The following MGAM variants were observed in gnomAD, a reference collection of about 807,000 sequenced individuals.
MGAM encodes alpha-1,4-glucosidase.
MGAM carries 253 observed loss-of-function variants against 358.8 expected under a neutral mutation model. The ratio of observed to expected loss-of-function variants is 0.71; its 90% CI spans 0.64 to 0.78. The LOEUF (loss-of-function observed/expected upper bound fraction) is 0.78. MGAM is among the 30% of genes least tolerant of loss of function. The probability of loss-of-function intolerance (pLI) is 0.00; values close to 1 mark genes in which losing one functional copy is unlikely to be tolerated. For synonymous variants in MGAM, 1,105 were observed against 1,227.1 expected (o/e 0.90, Z 2.08); for missense variants, 3,080 against 3,432.6 (o/e 0.90, Z 2.57).
In MGAM at chr7:142,038,417, G is replaced by T; in HGVS notation, c.2232-114G>T. On this transcript the variant is annotated intron_variant, in intron 18 of 70. Transcript: ENST00000475668. ...GTAGGTGTCACAGAATAATTTGGGGGGTTTGCCTGGGCAGACGGCCTGCAT... is the reference window on the plus strand; with the variant it reads ...GTAGGTGTCACAGAATAATTTGGGGTGTTTGCCTGGGCAGACGGCCTGCAT... The T allele has an allele frequency of 1.5e-5, 11 of 738,508 alleles. No homozygotes were observed. The South Asian group carries it at 1.9e-4, about 13-fold the overall frequency. 45.7% of individuals were successfully genotyped at this position (738,508 alleles called of 1,614,324 possible). A position where few individuals can be genotyped will look rare whatever the true frequency, so the allele number is the denominator to read the frequency against.
chr7:142,080,716 A>C, intron 49 of MGAM, 75 bp from the exon 50 acceptor site: 1 of 1,321,628 alleles, frequency 7.6e-7, no homozygotes, highest in Non-Finnish European at 1.0e-6. Context: ...TTTGTCCAAA[A>C]ATCAAAAAGG....
At chr7:142,039,266 C>T (rs1283814232) in intron 19 of MGAM, among the ~76,000 whole-genome samples, 9 of 151,660 alleles carry the variant, frequency 5.9e-5, no homozygotes, top group Admixed American at 1.3e-4. Context: ...CCACCAAGCT[C>T]GGCTAATTTT....
At chr7:142,053,487 A>G (rs538070542) in intron 26 of MGAM, among the ~76,000 whole-genome samples, 216 of 152,302 alleles carry the variant, frequency 1.4e-3, no homozygotes, top group Middle Eastern at 3.4e-3. Context: ...TCAATGTAAG[A>G]TGATATGTTC....
chr7:142,076,801 C>A lies in MGAM; in HGVS notation c.5468C>A (p.Thr1823Lys). 2 of 1,554,988 alleles carry A rather than the reference C, an allele frequency of 1.3e-6. No homozygotes were observed. Among genetic ancestry groups the A allele is most frequent in the Non-Finnish European group, 8.8e-7 (1 of 1,131,444 alleles). ...GGTGTCCCAAGTCAGACTTCTCCTACAGTCACTTATGATTCTAACCTGAAG... is the reference window on the plus strand; with the variant it reads ...GGTGTCCCAAGTCAGACTTCTCCTAAAGTCACTTATGATTCTAACCTGAAG... ...HNGVPSQTSP[T>K]VTYDSNLKVA... Residue 1823 changes from threonine to lysine, a missense_variant, in exon 47 of 71, where the codon ACA becomes AAA. By Grantham distance (78) the Thr-to-Lys change is moderately conservative (BLOSUM62 -1). Transcript: ENST00000475668.
Position 142,036,865 on chromosome 7 carries a change from A to G in MGAM, c.2119A>G (p.Asn707Asp), listed in dbSNP as rs1554466110. 2.5e-6 allele frequency: 4 copies of G among 1,613,528 alleles called. No homozygotes were observed. Among genetic ancestry groups the G allele is most frequent in the Non-Finnish European group, 8.5e-7 (1 of 1,179,586 alleles). ...CTTTGGAGCTGACTCCCTGCTGTTG[A>G]ATTCCTCCAGGCACTACCTTAACAT... is the stretch of plus-strand genomic sequence containing the variant. ...ASFGADSLLL[N>D]SSRHYLNIRY... Residue 707 changes from asparagine (N) to aspartate (D), a missense_variant, in exon 18 of 71, where the codon AAT becomes GAT. Physicochemically the swap from Asn to Asp is conservative, Grantham distance 23 (BLOSUM62 1). Coordinates refer to ENST00000475668, the MANE Select transcript of MGAM (RefSeq NM_001365693.1).
chr7:142,082,244 C>G (rs758436722), intron 51 of MGAM, 34 bp downstream of exon 51: 3 of 1,538,264 alleles, frequency 2.0e-6, no homozygotes, highest in Non-Finnish European at 2.7e-6. Context: ...TGTGTCTCTG[C>G]TTCTCTCCAC....
chr7:141,988,426 G>A (rs918630107), intron 2 of MGAM, among the ~76,000 whole-genome samples: 25 of 151,952 alleles, frequency 1.6e-4, no homozygotes, highest in Admixed American at 1.6e-3. Context: ...GTGCAGTGGC[G>A]CAATCTGGGC....
chr7:142,050,855 T>C lies in MGAM; in HGVS notation c.2796T>C (p.Ser932=), dbSNP rs1416612670. 12 of 1,613,558 alleles carry C rather than the reference T, an allele frequency of 7.4e-6. No homozygotes were observed. Among genetic ancestry groups the C allele is most frequent in the Non-Finnish European group, 8.5e-6 (10 of 1,179,624 alleles). The stretch of plus-strand genomic sequence containing the variant: ...CTTCTCCTACAGTCACTTATGATTC[T>C]AACCTGAAGGTAAAAACCCATTTTG... The part of the protein sequence containing the change: ...SQTSPTVTYD[S]NLKVAIITDI... The change falls in exon 24 of 71, where the codon TCT becomes TCC. Residue 932 remains serine (S), a synonymous_variant. Transcript: ENST00000475668.
intron 26 of MGAM, 127 bp downstream of exon 26, chr7:142,053,111 A>G (rs1811175232): frequency 6.4e-6 from 7 of 1,089,594 alleles, no homozygotes; most frequent in Non-Finnish European, 9.2e-6. Context: ...TTATCCAGAG[A>G]GCATTGAGAA....
intron 50 of MGAM, among the ~76,000 whole-genome samples, chr7:142,081,732 G>T (rs1281329512): frequency 1.4e-5 from 2 of 145,788 alleles, no homozygotes; most frequent in East Asian, 4.1e-4. Flanking sequence ...AAAATGCGCT[G>T]AGGGGTGCAA....
chr7:142,009,441 G>A (rs1315384206), intron 3 of MGAM, among the ~76,000 whole-genome samples: 2 of 151,986 alleles, frequency 1.3e-5, no homozygotes, highest in Non-Finnish European at 2.9e-5. Context: ...GTACTCAATA[G>A]CTCACTCAAG....
chr7:142,065,273 A>T (rs1257237517), intron 37 of MGAM, 62 bp from the exon 38 acceptor site: 20 of 1,570,912 alleles, frequency 1.3e-5, no homozygotes, highest in South Asian at 2.3e-5. Context: ...TGGGAGCAGA[A>T]GCTCTATGGC....
intron 3 of MGAM, among the ~76,000 whole-genome samples, chr7:142,010,223 T>C (rs1315854510): frequency 1.3e-5 from 2 of 152,094 alleles, no homozygotes; most frequent in African/African-American, 2.4e-5. Flanking sequence ...GTCCCCTTCA[T>C]GGATCTTAGA....
Position 142,036,291 on chromosome 7 carries a change from G to C in MGAM, c.2076+6G>C, listed in dbSNP as rs782118655. On this transcript the variant is annotated splice_donor_region_variant and intron_variant, in intron 17 of 70. Transcript: ENST00000475668. ...ACAATGGCCAAGGCTACAAGGTAAG[G>C]CTCCTAGGACATAGAGTCAGAATAA... 1.3e-5 allele frequency: 20 copies of C among 1,585,764 alleles called. No individual in the cohort carries two copies. The African/African-American group carries it at 2.6e-4, about 20-fold the overall frequency.
chr7:142,028,015 A>G (rs960458414), intron 10 of MGAM, among the ~76,000 whole-genome samples: 1 of 152,114 alleles, frequency 6.6e-6, no homozygotes, highest in Non-Finnish European at 1.5e-5. Context: ...GTATTTTATT[A>G]GTAAACTTTT....
rs1554458601 is a variant in MGAM at position 142,021,095 on chromosome 7, T to C, written c.558+12T>C. On this transcript the variant is annotated intron_variant, in intron 5 of 70. Coordinates refer to ENST00000475668, the MANE Select transcript of MGAM (RefSeq NM_001365693.1). ...GTTTCCACTTTAAGGTTGTAATTTG[T>C]TTATTTTTTTTTAAGTTTTTTTGAG... 1 of 1,565,464 alleles carries C rather than the reference T, an allele frequency of 6.4e-7. No individual in the cohort carries two copies. The highest frequency in any genetic ancestry group is 8.7e-7 in the Non-Finnish European group (1 of 1,153,802).
intron 1 of MGAM, among the ~76,000 whole-genome samples, chr7:141,999,919 T>A (rs980720457): frequency 1.3e-5 from 2 of 152,142 alleles, no homozygotes; most frequent in African/African-American, 4.8e-5. Flanking sequence ...TTTTAAGGTT[T>A]AAGGAAATCT....
chr7:142,045,597 G>A (rs1490418886), intron 21 of MGAM, among the ~76,000 whole-genome samples: 3 of 96,914 alleles, frequency 3.1e-5, no homozygotes, highest in African/African-American at 4.2e-5. Context: ...TACAATATAT[G>A]AATATATAAT....
chr7:142,027,049 A>G lies in MGAM; in HGVS notation c.983-66A>G, dbSNP rs1379070329. ...ATGGTTAGTGATCCTGTGTTATTTTAAAACTTGTAGTTACTATTCAAGAAT... is the reference window on the plus strand; with the variant it reads ...ATGGTTAGTGATCCTGTGTTATTTTGAAACTTGTAGTTACTATTCAAGAAT... On this transcript the variant is annotated intron_variant, in intron 8 of 70. Transcript: ENST00000475668. The G allele has an allele frequency of 6.6e-6, 8 of 1,214,166 alleles. No homozygotes were observed. In the Admixed American group the frequency reaches 1.0e-4, roughly 16 times the overall value. 75.2% of individuals were successfully genotyped at this position (1,214,166 alleles called of 1,614,324 possible). A position where few individuals can be genotyped will look rare whatever the true frequency, so the allele number is the denominator to read the frequency against.
Sources: gnomAD v4.1 joint callset for allele counts (sites outside exome capture counted in the v4.1 genomes callset) on GRCh38, gnomAD v4.1.1 for gene constraint, MANE v1.5 for transcripts, NCBI Gene and HGNC (gene_info 2026-07-23, HGNC 2026-07-21) for gene names.